Variants in CCDC149 observed in about 807,000 individuals in gnomAD.
The protein encoded by CCDC149 is coiled-coil domain-containing protein 149.
In CCDC149, 45 loss-of-function variants were observed where a neutral mutation model predicts 59.9. That is an observed-to-expected ratio of 0.75 (90% CI 0.59 to 0.96). The LOEUF (loss-of-function observed/expected upper bound fraction) is 0.96, where lower values mean the gene tolerates loss of function less well. CCDC149 is among the 40% of genes least tolerant of loss of function. The probability of loss-of-function intolerance (pLI) is 0.00; values close to 1 mark genes in which losing one functional copy is unlikely to be tolerated. For missense variants in CCDC149, 584 were observed against 664.7 expected, an observed-to-expected ratio of 0.88 and a Z score of 1.33; for synonymous variants, 245 against 260.6, an observed-to-expected ratio of 0.94 and a Z score of 0.58.
intron 1 of CCDC149, among the ~76,000 whole-genome samples, chr4:24,877,141 TAA>T (rs1250041735): frequency 3.9e-5 from 6 of 152,152 alleles, no homozygotes; most frequent in African/African-American, 9.7e-5. Flanking sequence ...CTGTGTTTTC[TAA>T]GTTTCCAGAG....
chr4:24,884,770 GAGTT>G (rs1476125100), intron 1 of CCDC149, among the ~76,000 whole-genome samples: 1 of 152,210 alleles, frequency 6.6e-6, no homozygotes, highest in Admixed American at 6.5e-5. Flanking sequence ...TGAGAATTAA[GAGTT>G]AGTATATGTA....
chr4:24,891,228 T>G (rs774453623), intron 1 of CCDC149, among the ~76,000 whole-genome samples: 1 of 152,240 alleles, frequency 6.6e-6, no homozygotes, highest in Non-Finnish European at 1.5e-5. Context: ...GGAGATTTAT[T>G]CTGGGACATT....
intron 1 of CCDC149, among the ~76,000 whole-genome samples, chr4:24,898,676 C>G (rs1021665457): frequency 3.9e-5 from 6 of 152,142 alleles, no homozygotes; most frequent in Non-Finnish European, 8.8e-5. Context: ...ATTCTGAGGA[C>G]CCCCATCCTC....
At chr4:24,818,888 G>T (rs971831714) in intron 12 of CCDC149, among the ~76,000 whole-genome samples, 1 of 152,184 alleles carries the variant, frequency 6.6e-6, no homozygotes, top group Non-Finnish European at 1.5e-5. Flanking sequence ...TTACACGGGG[G>T]CATGAATACC....
chr4:24,804,578 T>C (rs1408322996), downstream of CCDC149, among the ~76,000 whole-genome samples: 3 of 152,034 alleles, frequency 2.0e-5, no homozygotes, highest in African/African-American at 7.2e-5. Context: ...CCCCATTTTT[T>C]TGGAGTGAAA....
At chr4:24,881,487 G>C (rs973743574) in intron 1 of CCDC149, among the ~76,000 whole-genome samples, 19 of 152,230 alleles carry the variant, frequency 1.2e-4, no homozygotes, top group Admixed American at 1.3e-4. Flanking sequence ...GGAGGGGCAA[G>C]CACAGCAGAC....
In CCDC149 at chr4:24,819,902, C is replaced by T; in HGVS notation, c.1149G>A (p.Lys383=). The change falls in exon 12 of 13, where the codon AAG becomes AAA. Residue 383 remains lysine, a synonymous_variant. Coordinates refer to ENST00000635206, the MANE Select transcript of CCDC149 (RefSeq NM_001330643.2). ...TGTTCTCAGTGGGCTGCTCGACAAA[C>T]TTCAGCAGTGGGGATCTCGACCTCT... 2.6e-6 allele frequency: 4 copies of T among 1,551,714 alleles called. No individual in the cohort carries two copies. Among genetic ancestry groups the T allele is most frequent in the Non-Finnish European group, 3.5e-6 (4 of 1,146,994 alleles).
At chr4:24,810,265 C>G (rs868016414) in intron 12 of CCDC149, among the ~76,000 whole-genome samples, 2 of 152,218 alleles carry the variant, frequency 1.3e-5, no homozygotes, top group East Asian at 3.8e-4. Flanking sequence ...GTGTCTGACA[C>G]ATTCTAAGCA....
At chr4:24,850,031 G>A (rs369304534) in intron 4 of CCDC149, among the ~76,000 whole-genome samples, 12 of 152,322 alleles carry the variant, frequency 7.9e-5, no homozygotes, top group East Asian at 7.7e-4. Context: ...GGGACAGTTT[G>A]CTTTTCTGGT....
intron 1 of CCDC149, among the ~76,000 whole-genome samples, chr4:24,911,431 C>T (rs887955672): frequency 6.6e-5 from 10 of 152,156 alleles, no homozygotes; most frequent in African/African-American, 2.4e-4. Context: ...CTAACAGGCA[C>T]CTGATATGCA....
intron 1 of CCDC149, among the ~76,000 whole-genome samples, chr4:24,900,083 C>T (rs899123984): frequency 3.9e-5 from 6 of 152,196 alleles, no homozygotes; most frequent in African/African-American, 1.4e-4. Flanking sequence ...AATTAGCCTC[C>T]CCTTAACCTG....
chr4:24,936,340 CATTAT>C lies in CCDC149; in HGVS notation c.-64-41227_-64-41223del, dbSNP rs996805309. ...TTTATAATGATTGAAATATATCAAT[CATTAT>C]ATTATATATATATCATCAAATATAT... On this transcript the variant is annotated intron_variant, in intron 1 of 12. Transcript: ENST00000389609. Among the ~76,000 whole-genome samples, 35 of 151,878 alleles carry C rather than the reference CATTAT, an allele frequency of 2.3e-4. No individual in the cohort carries two copies. The East Asian group carries it at 2.3e-3, about 10-fold the overall frequency.
intron 1 of CCDC149, among the ~76,000 whole-genome samples, chr4:24,923,876 A>G (rs762927120): frequency 2.5e-4 from 38 of 152,250 alleles, no homozygotes; most frequent in Non-Finnish European, 4.8e-4. Flanking sequence ...ACAGGTTGCC[A>G]GGGCAGCCCT....
chr4:24,941,421 C>T (rs1722950812), intron 1 of CCDC149, among the ~76,000 whole-genome samples: 1 of 152,132 alleles, frequency 6.6e-6, no homozygotes, highest in African/African-American at 2.4e-5. Flanking sequence ...ATTTATAGCA[C>T]TAAATGCCCA....
chr4:24,846,762 A>T (rs935262516), intron 4 of CCDC149, among the ~76,000 whole-genome samples: 1 of 152,220 alleles, frequency 6.6e-6, no homozygotes, highest in African/African-American at 2.4e-5. Context: ...ATATCACAAC[A>T]GCTAAATTTA....
intron 1 of CCDC149, among the ~76,000 whole-genome samples, chr4:24,967,011 T>C (rs1050421373): frequency 6.6e-6 from 1 of 152,184 alleles, no homozygotes; most frequent in African/African-American, 2.4e-5. Flanking sequence ...CCTGCTTTCA[T>C]TGACAGTTAT....
intron 12 of CCDC149, among the ~76,000 whole-genome samples, chr4:24,813,489 A>AATATATCTATATCTATCTAT (rs1186488610): frequency 2.1e-4 from 24 of 113,724 alleles, no homozygotes; most frequent in African/African-American, 8.8e-4. Flanking sequence ...CAGCTTGGGG[A>AATATATCTATATCTATCTAT]ATATATATAT....
chr4:24,906,601 T>C (rs1265617056), intron 1 of CCDC149, among the ~76,000 whole-genome samples: 2 of 151,904 alleles, frequency 1.3e-5, no homozygotes, highest in African/African-American at 4.8e-5. Context: ...TTTTGCCATG[T>C]TGGCCGGGCT....
intron 1 of CCDC149, among the ~76,000 whole-genome samples, chr4:24,972,684 T>C (rs1400865771): frequency 1.3e-5 from 2 of 152,156 alleles, no homozygotes; most frequent in African/African-American, 4.8e-5. Flanking sequence ...ATCAGAGACA[T>C]TTTATTTAAA....
Sources: allele counts gnomAD v4.1 joint callset (sites outside exome capture counted in the v4.1 genomes callset), GRCh38; gene constraint gnomAD v4.1.1; transcripts MANE v1.5; gene names NCBI Gene and HGNC (gene_info 2026-07-23, HGNC 2026-07-21).